Variants in TBC1D5 observed in about 807,000 individuals in gnomAD.
TBC1D5 encodes the protein TBC1 domain family member 5.
TBC1D5 carries 75 observed loss-of-function variants against 100.3 expected under a neutral mutation model. The ratio of observed to expected loss-of-function variants is 0.75; its 90% confidence interval spans 0.62 to 0.91. The LOEUF is 0.91. TBC1D5 is among the 40% of genes least tolerant of loss of function. The pLI, the probability that TBC1D5 is intolerant of heterozygous loss-of-function variation, is 0.00. For synonymous variants in TBC1D5, 323 were observed against 325.6 expected (o/e 0.99, Z 0.09); for missense variants, 910 against 942.4 (o/e 0.97, Z 0.45).
At position 17,389,337 on chromosome 3, in the gene TBC1D5, C is replaced by A. The variant is rs534962930; in HGVS notation, c.510-5322G>T. On this transcript the variant is annotated intron_variant, in intron 8 of 21. Transcript: ENST00000253692. ...TAATTTGAGAACATGTTTGCAAATT[C>A]TTTGATACTCCTCCCATAGAAAGAT... is the stretch of plus-strand genomic sequence containing the variant. Among the ~76,000 whole-genome samples the A allele has an allele frequency of 2.0e-5, 3 of 152,192 alleles. No homozygotes were observed. The South Asian group carries it at 6.2e-4, about 32-fold the overall frequency.
chr3:17,324,620 G>T (rs543315412), intron 13 of TBC1D5, among the ~76,000 whole-genome samples: 1 of 151,926 alleles, frequency 6.6e-6, no homozygotes, highest in Non-Finnish European at 1.5e-5. Context: ...CTCTATCCTC[G>T]ACAACAGAGT....
At chr3:17,676,302 G>C (rs1164425888) in intron 1 of TBC1D5, among the ~76,000 whole-genome samples, 2 of 152,054 alleles carry the variant, frequency 1.3e-5, no homozygotes, top group Non-Finnish European at 2.9e-5. Flanking sequence ...TGTCAGCAAA[G>C]TCTCAGGATA....
chr3:17,281,882 A>G (rs950327584), intron 15 of TBC1D5, among the ~76,000 whole-genome samples: 2 of 152,252 alleles, frequency 1.3e-5, no homozygotes, highest in African/African-American at 2.4e-5. Flanking sequence ...TATTAAAAAA[A>G]GTGATGGTTT....
intron 16 of TBC1D5, 22 bp downstream of exon 16, chr3:17,258,484 T>C (rs777698600): frequency 6.9e-6 from 11 of 1,598,520 alleles, no homozygotes; most frequent in South Asian, 4.5e-5. Context: ...TTTATAACTA[T>C]CATCAGAAAA....
chr3:17,219,801 G>A (rs1047220193), intron 17 of TBC1D5, among the ~76,000 whole-genome samples: 9 of 152,046 alleles, frequency 5.9e-5, no homozygotes, highest in Non-Finnish European at 1.2e-4. Flanking sequence ...TTCTTACTAA[G>A]ATTCAGCCAG....
At chr3:17,511,027 G>A (rs1193068500) in intron 2 of TBC1D5, among the ~76,000 whole-genome samples, 1 of 151,264 alleles carries the variant, frequency 6.6e-6, no homozygotes, top group South Asian at 2.1e-4. Flanking sequence ...AAAAAGACCA[G>A]GTATAAAAAA....
At chr3:17,251,112 T>A (rs2149292597) in intron 16 of TBC1D5, among the ~76,000 whole-genome samples, 1 of 152,306 alleles carries the variant, frequency 6.6e-6, no homozygotes, top group East Asian at 1.9e-4. Flanking sequence ...AGCTTGATAA[T>A]CTTACCAAAG....
chr3:17,508,419 T>C lies in TBC1D5; in HGVS notation c.97+55A>G. ...GGTGGACACAGCTAACTGAGGGCCC[T>C]CTGCTAGGTTTCCCAGTACACTACC... is the stretch of plus-strand genomic sequence containing the variant. On this transcript the variant is annotated intron_variant, in intron 3 of 21. Coordinates refer to ENST00000253692, the Ensembl canonical transcript of TBC1D5. The C allele has an allele frequency of 2.8e-6, 4 of 1,413,142 alleles. No homozygotes were observed. The Admixed American group carries it at 6.7e-5, about 24-fold the overall frequency. 87.5% of individuals were successfully genotyped at this position (1,413,142 alleles called of 1,614,324 possible).
intron 1 of TBC1D5, among the ~76,000 whole-genome samples, chr3:17,738,076 CAA>C (rs1171499874): frequency 1.3e-5 from 2 of 152,174 alleles, no homozygotes; most frequent in Non-Finnish European, 2.9e-5. Context: ...ACACCATCAC[CAA>C]AGACATGTTT....
intron 3 of TBC1D5, among the ~76,000 whole-genome samples, chr3:17,485,880 T>C (rs919670290): frequency 2.6e-5 from 4 of 152,160 alleles, no homozygotes; most frequent in African/African-American, 9.7e-5. Flanking sequence ...TTGGGTCAAA[T>C]GGTATTTCTA....
At chr3:17,315,055 T>C (rs1317665418) in intron 13 of TBC1D5, among the ~76,000 whole-genome samples, 2 of 152,232 alleles carry the variant, frequency 1.3e-5, no homozygotes, top group African/African-American at 4.8e-5. Flanking sequence ...CAGGAGATAC[T>C]GATGCTGCTC....
intron 15 of TBC1D5, among the ~76,000 whole-genome samples, chr3:17,270,587 TGATA>T: frequency 6.6e-6 from 1 of 152,178 alleles, no homozygotes; most frequent in Admixed American, 6.5e-5. Context: ...TCTACTCTGT[TGATA>T]GTTTCTTTTG....
At chr3:17,432,197 AT>A (rs1245229819) in intron 3 of TBC1D5, among the ~76,000 whole-genome samples, 1 of 152,128 alleles carries the variant, frequency 6.6e-6, no homozygotes, top group African/African-American at 2.4e-5. Context: ...TGGGTGGGGT[AT>A]TTAATAGTAA....
At chr3:17,285,058 GTA>G (rs2081024782) in intron 15 of TBC1D5, among the ~76,000 whole-genome samples, 1 of 147,448 alleles carries the variant, frequency 6.8e-6, no homozygotes, top group South Asian at 2.1e-4. Flanking sequence ...AGTTTTGGGA[GTA>G]AAAAAAAAAA....
intron 17 of TBC1D5, among the ~76,000 whole-genome samples, chr3:17,221,111 A>C (rs1356221448): frequency 6.6e-6 from 1 of 151,992 alleles, no homozygotes; most frequent in Admixed American, 6.6e-5. Context: ...CCTTTAAAAA[A>C]CCATACGGGA....
intron 1 of TBC1D5, among the ~76,000 whole-genome samples, chr3:17,627,462 T>A (rs1218123992): frequency 6.6e-6 from 1 of 152,092 alleles, no homozygotes. Context: ...ACAAAATCTA[T>A]AAATACACCT....
At chr3:17,257,455 C>T (rs2077817060) in intron 16 of TBC1D5, among the ~76,000 whole-genome samples, 1 of 152,092 alleles carries the variant, frequency 6.6e-6, no homozygotes, top group South Asian at 2.1e-4. Flanking sequence ...ATTTGTGTAA[C>T]AAGACTCAGA....
intron 15 of TBC1D5, among the ~76,000 whole-genome samples, chr3:17,289,209 C>T (rs11128822): frequency 0.043 from 6,470 of 152,222 alleles, 220 homozygotes; most frequent in African/African-American, 0.091. Context: ...CACTCGCTTG[C>T]CCATGCACCC....
In TBC1D5 at chr3:17,189,913, T is replaced by A. The variant is rs924398395; in HGVS notation, c.1753-4705A>T. ...TATGATTGGCTGTATTGTTTTGTTG[T>A]TTGTTGAATGATTTTCTTTTTGACT... On this transcript the variant is annotated intron_variant, in intron 18 of 21. Transcript: ENST00000253692. Among the ~76,000 whole-genome samples the A allele has an allele frequency of 2.0e-5, 3 of 152,254 alleles. No homozygotes were observed. The South Asian group carries it at 6.2e-4, about 32-fold the overall frequency.
Sources: allele counts gnomAD v4.1 joint callset (sites outside exome capture counted in the v4.1 genomes callset), GRCh38; gene constraint gnomAD v4.1.1; transcripts MANE v1.5; gene names NCBI Gene and HGNC (gene_info 2026-07-23, HGNC 2026-07-21).